Variants in ARB2A observed in about 807,000 individuals in gnomAD.
ARB2A encodes ARB2 cotranscriptional regulator A, also known as cotranscriptional regulator ARB2A.
chr5:93,998,184 C>G, the ARB2A span, among the ~76,000 whole-genome samples: 5 of 151,872 alleles, frequency 3.3e-5, no homozygotes, highest in Admixed American at 3.3e-4. Context: ...GACATAATAG[C>G]CAAACATGAT....
chr5:93,892,119 A>C, the ARB2A span, among the ~76,000 whole-genome samples: 3 of 152,196 alleles, frequency 2.0e-5, no homozygotes, highest in African/African-American at 7.2e-5. Context: ...CCCATCACAA[A>C]TATTAATTTG....
chr5:93,805,642 A>G, the ARB2A span: 4 of 985,196 alleles, frequency 4.1e-6, no homozygotes, highest in Non-Finnish European at 4.8e-6. Context: ...TTGGGTCCAT[A>G]CAAGAAGCTG....
chr5:93,730,854 C>T, the ARB2A span, among the ~76,000 whole-genome samples: 1 of 152,104 alleles, frequency 6.6e-6, no homozygotes, highest in African/African-American at 2.4e-5. Context: ...TTGTCCTGCT[C>T]CGAAAATACA....
chr5:93,946,453 T>C, the ARB2A span, among the ~76,000 whole-genome samples: 1 of 152,038 alleles, frequency 6.6e-6, no homozygotes, highest in Non-Finnish European at 1.5e-5. Flanking sequence ...ACTAGAAAAT[T>C]ATTAATTCCA....
the ARB2A span, among the ~76,000 whole-genome samples, chr5:93,768,438 A>T: frequency 5.3e-5 from 8 of 151,366 alleles, no homozygotes; most frequent in Non-Finnish European, 1.0e-4. Context: ...CACCTGACAT[A>T]GATGCAAGAC....
the ARB2A span, among the ~76,000 whole-genome samples, chr5:94,005,996 T>C: frequency 2.0e-5 from 3 of 152,184 alleles, no homozygotes; most frequent in South Asian, 2.1e-4. Flanking sequence ...AACTAAAACA[T>C]GCAACTACAA....
chr5:93,929,648 G>A, the ARB2A span, among the ~76,000 whole-genome samples: 2 of 152,058 alleles, frequency 1.3e-5, no homozygotes, highest in African/African-American at 4.8e-5. Context: ...AGTTAAACCT[G>A]TTGTAAAACT....
At chr5:93,738,789 TA>T in the ARB2A span, 2 of 152,168 alleles carry the variant, frequency 1.3e-5, no homozygotes, top group Admixed American at 6.5e-5. Flanking sequence ...GGGTAGGGGA[TA>T]GGGGAATGGA....
chr5:93,881,163 C>T, the ARB2A span: 1 of 228,570 alleles, frequency 4.4e-6, no homozygotes, highest in Non-Finnish European at 8.6e-6. Context: ...ACTGAATTGG[C>T]AAGTTTTCTG....
chr5:93,621,436 C>A, the ARB2A span, among the ~76,000 whole-genome samples: 1 of 152,226 alleles, frequency 6.6e-6, no homozygotes, highest in Non-Finnish European at 1.5e-5. Context: ...GTCCCCATCC[C>A]TCTCCCAACG....
the ARB2A span, among the ~76,000 whole-genome samples, chr5:93,682,611 A>G: frequency 6.6e-6 from 1 of 151,770 alleles, no homozygotes; most frequent in South Asian, 2.1e-4. Flanking sequence ...ATGTCCTATC[A>G]TAACATTCCA....
At chr5:93,959,152 T>C in the ARB2A span, among the ~76,000 whole-genome samples, 1 of 152,066 alleles carries the variant, frequency 6.6e-6, no homozygotes, top group Non-Finnish European at 1.5e-5. Flanking sequence ...ATTAGTTGGA[T>C]GGGACAAGAC....
At chr5:93,784,549 T>C in the ARB2A span, 1 of 1,394,014 alleles carries the variant, frequency 7.2e-7, no homozygotes, top group South Asian at 1.2e-5. Context: ...TTTTTCCTAC[T>C]GGGTGCAGCC....
the ARB2A span, among the ~76,000 whole-genome samples, chr5:94,083,908 T>TA: frequency 2.0e-5 from 3 of 152,048 alleles, no homozygotes; most frequent in Non-Finnish European, 2.9e-5. Context: ...TTATATTTTT[T>TA]AAAAAAATTG....
the ARB2A span, among the ~76,000 whole-genome samples, chr5:93,762,035 A>G: frequency 1.3e-5 from 2 of 151,610 alleles, no homozygotes; most frequent in African/African-American, 4.9e-5. Context: ...GGACATCCAC[A>G]CCAAAACCCC....
chr5:93,965,815 T>C, the ARB2A span, among the ~76,000 whole-genome samples: 51 of 152,186 alleles, frequency 3.4e-4, no homozygotes, highest in African/African-American at 1.2e-3. Flanking sequence ...TAATCTAAAA[T>C]AGATTCTTTA....
At chr5:93,894,767 C>T in the ARB2A span, among the ~76,000 whole-genome samples, 4 of 151,998 alleles carry the variant, frequency 2.6e-5, no homozygotes, top group Middle Eastern at 3.2e-3. Context: ...AGCTGAGAGC[C>T]GTGCAAAGCA....
chr5:93,977,451 T>C, the ARB2A span, among the ~76,000 whole-genome samples: 12 of 151,962 alleles, frequency 7.9e-5, no homozygotes, highest in African/African-American at 2.7e-4. Flanking sequence ...ACGGACCCCC[T>C]GAAATAAAGT....
chr5:93,683,202 C>T, the ARB2A span: 6 of 1,331,754 alleles, frequency 4.5e-6, no homozygotes, highest in African/African-American at 8.6e-5. Flanking sequence ...TCATCTTCAT[C>T]ATCATCCTCT....
Sources: gnomAD v4.1 joint callset for allele counts (sites outside exome capture counted in the v4.1 genomes callset) on GRCh38, gnomAD v4.1.1 for gene constraint, MANE v1.5 for transcripts, NCBI Gene and HGNC (gene_info 2026-07-23, HGNC 2026-07-21) for gene names.